RSPO3: variants seen among roughly 807,000 people sequenced by gnomAD.
RSPO3 encodes the protein R-spondin 3, also known as R-spondin-3.
Under a neutral mutation model 36.5 loss-of-function variants are expected in RSPO3, and 17 were observed. The ratio of observed to expected loss-of-function variants is 0.47; its 90% CI spans 0.32 to 0.70. The LOEUF (loss-of-function observed/expected upper bound fraction) is 0.70. RSPO3 is among the 30% of genes least tolerant of loss of function. The probability of loss-of-function intolerance (pLI) is 0.04; values close to 1 mark genes in which losing one functional copy is unlikely to be tolerated. For missense variants in RSPO3, 294 were observed against 322.5 expected (o/e 0.91, Z 0.68); for synonymous variants, 108 against 107.0 (o/e 1.01, Z -0.06).
At chr6:127,159,101 A>G (rs1774653413) in intron 4 of RSPO3, among the ~76,000 whole-genome samples, 2 of 152,152 alleles carry the variant, frequency 1.3e-5, no homozygotes, top group Admixed American at 1.3e-4. Context: ...CATCTCAGAT[A>G]AGGAAAACTG....
chr6:127,157,686 G>A (rs1774621802), intron 4 of RSPO3, among the ~76,000 whole-genome samples: 1 of 151,946 alleles, frequency 6.6e-6, no homozygotes, highest in Non-Finnish European at 1.5e-5. Flanking sequence ...AGACTAACAA[G>A]TGGCAAATAT....
intron 4 of RSPO3, among the ~76,000 whole-genome samples, chr6:127,179,732 T>A (rs1404531684): frequency 1.3e-5 from 2 of 151,858 alleles, no homozygotes; most frequent in Non-Finnish European, 2.9e-5. Context: ...TAAGGCTGTG[T>A]TCCTTTTTGG....
chr6:127,187,558 A>T (rs1775321800), intron 4 of RSPO3, among the ~76,000 whole-genome samples: 1 of 152,172 alleles, frequency 6.6e-6, no homozygotes, highest in Admixed American at 6.5e-5. Context: ...AGATACAATT[A>T]TTTAAAACCC....
chr6:127,134,518 C>A (rs762271890), intron 1 of RSPO3, among the ~76,000 whole-genome samples: 2 of 152,134 alleles, frequency 1.3e-5, no homozygotes, highest in East Asian at 3.9e-4. Context: ...ATAAAACATA[C>A]AAGTCAATCT....
chr6:127,129,174 GCA>G (rs1456845905), intron 1 of RSPO3, among the ~76,000 whole-genome samples: 10 of 152,030 alleles, frequency 6.6e-5, no homozygotes, highest in Non-Finnish European at 1.5e-4. Context: ...ACTATAAATA[GCA>G]CAGTTTTAAC....
intron 4 of RSPO3, among the ~76,000 whole-genome samples, chr6:127,180,175 GAGA>G (rs1366966066): frequency 2.6e-5 from 4 of 151,810 alleles, no homozygotes; most frequent in African/African-American, 9.7e-5. Context: ...TCCAGCTAAA[GAGA>G]AGGAGAGGAA....
chr6:127,159,413 C>T (rs1283224675), intron 4 of RSPO3, among the ~76,000 whole-genome samples: 1 of 152,030 alleles, frequency 6.6e-6, no homozygotes, highest in African/African-American at 2.4e-5. Context: ...GGAGGTCTAT[C>T]TTCCTGGTAT....
At chr6:127,144,410 G>T (rs1180616233) in intron 1 of RSPO3, among the ~76,000 whole-genome samples, 4 of 151,998 alleles carry the variant, frequency 2.6e-5, no homozygotes, top group Non-Finnish European at 5.9e-5. Flanking sequence ...ATTCCTTTGA[G>T]TTCAAGTTTG....
intron 1 of RSPO3, among the ~76,000 whole-genome samples, chr6:127,120,384 G>A (rs770639631): frequency 6.6e-6 from 1 of 152,138 alleles, no homozygotes; most frequent in Non-Finnish European, 1.5e-5. Context: ...GTGGAGAGAG[G>A]GAGGAGGAAA....
At chr6:127,154,664 T>C (rs1774558067) in intron 3 of RSPO3, among the ~76,000 whole-genome samples, 1 of 152,130 alleles carries the variant, frequency 6.6e-6, no homozygotes, top group Non-Finnish European at 1.5e-5. Flanking sequence ...GCTCAAGCAT[T>C]CTCTAACACA....
intron 2 of RSPO3, 75 bp downstream of exon 2, chr6:127,148,914 T>C: frequency 9.4e-7 from 1 of 1,062,540 alleles, no homozygotes; most frequent in Non-Finnish European, 1.4e-6. Flanking sequence ...CTCTAATATA[T>C]TTGTGATATT....
intron 4 of RSPO3, among the ~76,000 whole-genome samples, chr6:127,164,872 C>CTTGCAAATGGTTGTT: frequency 1.3e-5 from 2 of 152,154 alleles, no homozygotes; most frequent in South Asian, 2.1e-4. Context: ...GTTTTGTTTA[C>CTTGCAAATGGTTGTT]TTGTTTTTTC....
intron 4 of RSPO3, among the ~76,000 whole-genome samples, chr6:127,162,791 C>A (rs1385950753): frequency 2.0e-5 from 3 of 152,138 alleles, no homozygotes; most frequent in African/African-American, 7.2e-5. Context: ...TTTGTACCAC[C>A]AGTAGCTGCT....
At chr6:127,163,086 T>C (rs763211660) in intron 4 of RSPO3, among the ~76,000 whole-genome samples, 1 of 152,046 alleles carries the variant, frequency 6.6e-6, no homozygotes, top group Non-Finnish European at 1.5e-5. Flanking sequence ...CCCTGCCAAT[T>C]AGGAGGGTTC....
At chr6:127,163,059 T>C (rs1774741857) in intron 4 of RSPO3, among the ~76,000 whole-genome samples, 1 of 152,122 alleles carries the variant, frequency 6.6e-6, no homozygotes, top group Non-Finnish European at 1.5e-5. Context: ...TTACAGCCTG[T>C]TCTAGCCAAC....
intron 4 of RSPO3, among the ~76,000 whole-genome samples, chr6:127,174,875 C>T (rs1333762393): frequency 2.0e-5 from 3 of 151,712 alleles, no homozygotes; most frequent in Non-Finnish European, 4.4e-5. Flanking sequence ...GGAAGTCTGA[C>T]AGAAAGAGTG....
At chr6:127,140,742 G>A (rs1774252529) in intron 1 of RSPO3, among the ~76,000 whole-genome samples, 2 of 152,170 alleles carry the variant, frequency 1.3e-5, no homozygotes, top group Admixed American at 6.6e-5. Context: ...GGGAGGATCT[G>A]GCTCCAACCA....
At chr6:127,124,562 GTT>G (rs34997338) in intron 1 of RSPO3, among the ~76,000 whole-genome samples, 1 of 148,568 alleles carries the variant, frequency 6.7e-6, no homozygotes, top group African/African-American at 2.5e-5. Flanking sequence ...AAATTGCACA[GTT>G]TTTTTTTTTG....
At chr6:127,187,672 C>T (rs890101702) in intron 4 of RSPO3, among the ~76,000 whole-genome samples, 1 of 152,022 alleles carries the variant, frequency 6.6e-6, no homozygotes, top group African/African-American at 2.4e-5. Context: ...TATGATCTAT[C>T]CTAAGGTGAT....
Sources: allele counts gnomAD v4.1 joint callset (sites outside exome capture counted in the v4.1 genomes callset), GRCh38; gene constraint gnomAD v4.1.1; transcripts MANE v1.5; gene names NCBI Gene and HGNC (gene_info 2026-07-23, HGNC 2026-07-21).